The following TMEM198 variants were observed in gnomAD, a reference collection of about 807,000 sequenced individuals.
TMEM198 encodes the protein transmembrane protein 198.
Under a neutral mutation model 31.5 loss-of-function variants are expected in TMEM198, and 21 were observed. The observed-to-expected ratio is 0.67, with a 90% CI of 0.47 to 0.96. The LOEUF (loss-of-function observed/expected upper bound fraction) is 0.96. Ranked by LOEUF, TMEM198 falls within the 40% of genes least tolerant of loss-of-function variation. The pLI is 0.00. For synonymous variants in TMEM198, 211 were observed against 223.3 expected (o/e 0.95, Z 0.49); for missense variants, 447 against 499.4 (o/e 0.89, Z 1.00).
chr2:219,549,634 C>G, intron 4 of TMEM198, 83 bp from the exon 5 acceptor site: 1 of 1,579,814 alleles, frequency 6.3e-7, no homozygotes, highest in South Asian at 1.2e-5. Context: ...ATAGAAGTGT[C>G]AGGCTTGTGG....
At chr2:219,549,633 T>A (rs185330315) in intron 4 of TMEM198, 84 bp from the exon 5 acceptor site, 1 of 1,579,130 alleles carries the variant, frequency 6.3e-7, no homozygotes, top group Admixed American at 1.7e-5. Context: ...TATAGAAGTG[T>A]CAGGCTTGTG....
At chr2:219,543,792 T>G (rs752719649), upstream of TMEM198, 8 of 447,214 alleles carry the variant, frequency 1.8e-5, no homozygotes, top group Admixed American at 4.0e-5. Flanking sequence ...CGGCCGCAGC[T>G]GTCCGACGTG....
chr2:219,549,950 C>T lies in TMEM198; in HGVS notation c.*96C>T, dbSNP rs1695517064. ...CAGCCTCCTGGCTTTGGCTGTCCCT[C>T]TCCCCAGCCTGGAGAGGGCTGGCCT... On this transcript the variant is annotated 3_prime_UTR_variant, in exon 5 of 5. Transcript: ENST00000373883. 1.3e-6 allele frequency: 2 copies of T among 1,509,022 alleles called. No individual in the cohort carries two copies. Among genetic ancestry groups the T allele is most frequent in the African/African-American group, 1.4e-5 (1 of 72,688 alleles). The allele number at this position is 1,509,022 out of a possible 1,614,324, so 93.5% of individuals were successfully genotyped here.
chr2:219,549,630 G>C (rs1284093102), intron 4 of TMEM198, 87 bp from the exon 5 acceptor site: 2 of 1,575,102 alleles, frequency 1.3e-6, no homozygotes, highest in East Asian at 4.5e-5. Context: ...GTCTATAGAA[G>C]TGTCAGGCTT....
At chr2:219,548,752 T>C (rs753434220) in intron 3 of TMEM198, among the ~76,000 whole-genome samples, 3 of 152,144 alleles carry the variant, frequency 2.0e-5, no homozygotes, top group East Asian at 1.9e-4. Flanking sequence ...TAGGGGAGGA[T>C]AGAATCTAAT....
Position 219,549,931 on chromosome 2 carries a change from C to T in TMEM198, c.*77C>T, listed in dbSNP as rs1216736370. On this transcript the variant is annotated 3_prime_UTR_variant, in exon 5 of 5. Coordinates refer to ENST00000373883, the MANE Select transcript of TMEM198 (RefSeq NM_001005209.3). ...GGCCTGCTAGGCTGCCACTCAGCCT[C>T]CTGGCTTTGGCTGTCCCTCTCCCCA... 5.8e-6 allele frequency: 9 copies of T among 1,559,140 alleles called. No homozygotes were observed. The Admixed American group carries it at 1.6e-4, about 27-fold the overall frequency.
At chr2:219,549,667 T>C in intron 4 of TMEM198, 50 bp from the exon 5 acceptor site, 1 of 1,600,484 alleles carries the variant, frequency 6.2e-7, no homozygotes, top group South Asian at 1.1e-5. Context: ...AGGTGGCTTT[T>C]AGGGCAGGAT....
chr2:219,544,958 C>T (rs1695362264), intron 2 of TMEM198, 65 bp downstream of exon 2: 1 of 1,574,230 alleles, frequency 6.4e-7, no homozygotes, highest in Non-Finnish European at 8.7e-7. Context: ...TTTTCTGGGC[C>T]CCCAAGTCTT....
chr2:219,545,617 T>C (rs1053563728), intron 2 of TMEM198, among the ~76,000 whole-genome samples: 1 of 152,160 alleles, frequency 6.6e-6, no homozygotes, highest in Non-Finnish European at 1.5e-5. Context: ...GATGGGCTAG[T>C]GGCCCAGTAT....
rs1366438451 is a variant in TMEM198 at position 219,547,502 on chromosome 2, C to A, written c.167-4C>A. ...GCCCCTCACTAGCCCCTGTTCCCCT[C>A]CAGGTTACCGCTGCTTCAAGGCAGT... is the stretch of plus-strand genomic sequence containing the variant. On this transcript the variant is annotated splice_polypyrimidine_tract_variant and splice_region_variant and intron_variant, in intron 2 of 4. Coordinates refer to ENST00000373883, the MANE Select transcript of TMEM198 (RefSeq NM_001005209.3). 7.0e-7 allele frequency: 1 copy of A among 1,421,358 alleles called. No individual in the cohort carries two copies. The highest frequency in any genetic ancestry group is 1.8e-5 in the South Asian group (1 of 55,036). 88.0% of individuals were successfully genotyped at this position (1,421,358 alleles called of 1,614,324 possible). A position where few individuals can be genotyped will look rare whatever the true frequency, so the allele number is the denominator to read the frequency against.
rs1458545491 is a variant in TMEM198, at chr2:219,544,156, A to C, written c.-261A>C. 4.4e-6 allele frequency: 2 copies of C among 457,720 alleles called. No homozygotes were observed. Among genetic ancestry groups the C allele is most frequent in the Non-Finnish European group, 8.8e-6 (2 of 226,718 alleles). The allele number at this position is 457,720 out of a possible 1,614,324, so 28.4% of individuals were successfully genotyped here. On this transcript the variant is annotated 5_prime_UTR_variant, in exon 1 of 5. Transcript: ENST00000373883. ...CTTCCCCTTCCTCAGGCCCAGCCCG[A>C]GTTCCCGGACGCCGCGGGACTGGAG...
At chr2:219,547,473 C>T (rs1695413019) in intron 2 of TMEM198, 33 bp from the exon 3 acceptor site, 1 of 1,396,884 alleles carries the variant, frequency 7.2e-7, no homozygotes, top group African/African-American at 1.5e-5. Context: ...GTGCCCTCAT[C>T]TTGGCCCCTC....
At chr2:219,545,381 T>C (rs1695369388) in intron 2 of TMEM198, among the ~76,000 whole-genome samples, 1 of 152,006 alleles carries the variant, frequency 6.6e-6, no homozygotes, top group Admixed American at 6.5e-5. Context: ...CATATTAGAG[T>C]GGGCTGGATG....
At chr2:219,547,296 T>C (rs1695408608) in intron 2 of TMEM198, 1 of 450,268 alleles carries the variant, frequency 2.2e-6, no homozygotes, top group African/African-American at 2.0e-5. Context: ...TGCCTTCCCA[T>C]TGACCACCAA....
In TMEM198 at chr2:219,547,850, C is replaced by T. The variant is rs779032730; in HGVS notation, c.511C>T (p.Leu171Phe). 1.9e-6 allele frequency: 3 copies of T among 1,587,194 alleles called. No homozygotes were observed. The highest frequency in any genetic ancestry group is 1.7e-5 in the Admixed American group (1 of 59,552). The change falls in exon 3 of 5, where the codon CTC (leucine) becomes TTC (phenylalanine). Residue 171 changes from leucine to phenylalanine, a missense_variant. Coordinates refer to ENST00000373883, the MANE Select transcript of TMEM198 (RefSeq NM_001005209.3). ...ALLTLRWPRP[L>F]TTLATAVTGA... ...GCTCACTCTGCGCTGGCCCCGCCCA[C>T]TCACCACCCTGGCCACCGCCGTGAC... is the stretch of plus-strand genomic sequence containing the variant.
Position 219,548,045 on chromosome 2 carries a change from T to C in TMEM198, c.706T>C (p.Trp236Arg). 6.3e-7 allele frequency: 1 copy of C among 1,580,278 alleles called. No homozygotes were observed. Among genetic ancestry groups the C allele is most frequent in the Non-Finnish European group, 8.6e-7 (1 of 1,164,986 alleles). Residue 236 changes from tryptophan to arginine, a missense_variant, in exon 3 of 5, where the codon TGG (tryptophan) becomes CGG (arginine). Trp to Arg is a moderately radical substitution (Grantham distance 101). Coordinates refer to ENST00000373883, the MANE Select transcript of TMEM198 (RefSeq NM_001005209.3). Reference sequence around the variant, plus strand: ...CAGCCTGATGGGCGTTCTGGTGCAGTGGAGGGTGACAGCTGAGGGGGACTC... The same window carrying C: ...CAGCCTGATGGGCGTTCTGGTGCAGCGGAGGGTGACAGCTGAGGGGGACTC... ...LLSLMGVLVQ[W>R]RVTAEGDSHT...
intron 4 of TMEM198, 80 bp downstream of exon 4, chr2:219,549,434 G>A (rs1042398248): frequency 6.7e-6 from 10 of 1,494,712 alleles, no homozygotes; most frequent in African/African-American, 2.8e-5. Flanking sequence ...CTTTCCCCAC[G>A]GGCTGGTTGC....
At position 219,549,863 on chromosome 2, in the gene TMEM198, G is replaced by C; in HGVS notation, c.*9G>C. ...CCCCAGTGCGGGTATAGCCATATCT[G>C]TCTGTCTAGACTCTGCAGTCACCAG... On this transcript the variant is annotated 3_prime_UTR_variant, in exon 5 of 5. Transcript: ENST00000373883. 6.2e-7 allele frequency: 1 copy of C among 1,613,338 alleles called. No individual in the cohort carries two copies. The highest frequency in any genetic ancestry group is 8.5e-7 in the Non-Finnish European group (1 of 1,179,470).
In TMEM198 at chr2:219,550,497, T is replaced by G. The variant is rs1695543116; in HGVS notation, c.*643T>G. 2.8e-6 allele frequency: 1 copy of G among 352,110 alleles called. No homozygotes were observed. The highest frequency in any genetic ancestry group is 4.0e-5 in the Admixed American group (1 of 24,924). 21.8% of individuals were successfully genotyped at this position (352,110 alleles called of 1,614,324 possible). On this transcript the variant is annotated 3_prime_UTR_variant, in exon 5 of 5. Coordinates refer to ENST00000373883, the MANE Select transcript of TMEM198 (RefSeq NM_001005209.3). ...AAATGCACGGTGCATGTCTGGTGTC[T>G]GTCATGCCAACCTAGACACCTCATG...
Sources: allele counts gnomAD v4.1 joint callset (sites outside exome capture counted in the v4.1 genomes callset), GRCh38; gene constraint gnomAD v4.1.1; transcripts MANE v1.5; gene names NCBI Gene and HGNC (gene_info 2026-07-23, HGNC 2026-07-21).